Variants in SKIC3 observed in about 807,000 individuals in gnomAD.
SKIC3 encodes superkiller complex protein 3.
At chr5:95,469,805 G>T in the SKIC3 span, 2 of 1,613,992 alleles carry the variant, frequency 1.2e-6, no homozygotes, top group African/African-American at 2.7e-5. Flanking sequence ...CGTTTGAATT[G>T]TAACAAAGCT....
chr5:95,484,723 C>T, the SKIC3 span: 2 of 1,614,034 alleles, frequency 1.2e-6, no homozygotes, highest in Non-Finnish European at 1.7e-6. Context: ...CCATAAAATA[C>T]CTTTGTGCAG....
At chr5:95,498,587 T>G in the SKIC3 span, 2 of 1,613,554 alleles carry the variant, frequency 1.2e-6, no homozygotes, top group Non-Finnish European at 1.7e-6. Context: ...TCCTTTAAGA[T>G]AGAGCTGTAA....
At chr5:95,541,250 G>A in the SKIC3 span, 7 of 1,550,680 alleles carry the variant, frequency 4.5e-6, no homozygotes, top group African/African-American at 1.4e-5. Flanking sequence ...ACAGGTGTGA[G>A]TCACCGCGCC....
the SKIC3 span, chr5:95,520,798 T>A: frequency 5.0e-6 from 8 of 1,612,124 alleles, no homozygotes; most frequent in East Asian, 2.2e-5. Flanking sequence ...TTTGCCATCA[T>A]AAGATGGCAT....
chr5:95,522,692 G>A, the SKIC3 span, among the ~76,000 whole-genome samples: 1 of 151,944 alleles, frequency 6.6e-6, no homozygotes, highest in Non-Finnish European at 1.5e-5. Context: ...GAAACAATAG[G>A]CATGCTTTAA....
the SKIC3 span, among the ~76,000 whole-genome samples, chr5:95,550,042 T>C: frequency 1.3e-5 from 2 of 152,034 alleles, no homozygotes; most frequent in African/African-American, 2.4e-5. Context: ...CTTTCCGCCT[T>C]ATACCTCTCC....
At chr5:95,548,207 TG>T in the SKIC3 span, among the ~76,000 whole-genome samples, 2 of 151,982 alleles carry the variant, frequency 1.3e-5, no homozygotes, top group African/African-American at 4.8e-5. Flanking sequence ...AAAACAAAGC[TG>T]GGGTAAATAT....
the SKIC3 span, chr5:95,522,150 C>T: frequency 1.1e-5 from 17 of 1,613,880 alleles, no homozygotes; most frequent in Non-Finnish European, 1.4e-5. Context: ...TGTATTGCTG[C>T]AACCTTAAAC....
At chr5:95,524,798 G>A in the SKIC3 span, among the ~76,000 whole-genome samples, 1 of 152,044 alleles carries the variant, frequency 6.6e-6, no homozygotes, top group East Asian at 1.9e-4. Flanking sequence ...AAAGCACAGT[G>A]GCCTTTTAGC....
the SKIC3 span, among the ~76,000 whole-genome samples, chr5:95,496,600 A>C: frequency 6.6e-6 from 1 of 152,204 alleles, no homozygotes; most frequent in Non-Finnish European, 1.5e-5. Context: ...AGCACCCAGC[A>C]GAAGCAAGTA....
At chr5:95,541,730 G>A in the SKIC3 span, 2 of 947,046 alleles carry the variant, frequency 2.1e-6, no homozygotes, top group South Asian at 1.5e-5. Flanking sequence ...CCCAGTAAAT[G>A]CTGGAATACT....
chr5:95,478,245 TAAA>T, the SKIC3 span: 2 of 1,608,704 alleles, frequency 1.2e-6, no homozygotes, highest in South Asian at 1.1e-5. Context: ...CAAAGAAAGA[TAAA>T]AAAATCAATT....
chr5:95,551,151 A>C, the SKIC3 span, among the ~76,000 whole-genome samples: 1 of 152,286 alleles, frequency 6.6e-6, no homozygotes, highest in East Asian at 1.9e-4. Context: ...ATGAAAACAG[A>C]GAAATTTTTT....
At chr5:95,495,315 TAA>T in the SKIC3 span, 1 of 355,196 alleles carries the variant, frequency 2.8e-6, no homozygotes, top group Non-Finnish European at 5.2e-6. Flanking sequence ...ATATAAAATA[TAA>T]AGACTGAGAG....
the SKIC3 span, chr5:95,503,693 T>A: frequency 1.4e-6 from 2 of 1,426,694 alleles, no homozygotes; most frequent in Non-Finnish European, 2.0e-6. Flanking sequence ...TGACTCCTAG[T>A]CAGATTTTAA....
At chr5:95,530,195 A>G in the SKIC3 span, 1 of 1,613,602 alleles carries the variant, frequency 6.2e-7, no homozygotes, top group Non-Finnish European at 8.5e-7. Context: ...CCACTAATCT[A>G]CAACAATACT....
chr5:95,532,380 G>A, the SKIC3 span, among the ~76,000 whole-genome samples: 1 of 152,118 alleles, frequency 6.6e-6, no homozygotes, highest in African/African-American at 2.4e-5. Flanking sequence ...GGGAGACTAT[G>A]TTCATGTTCG....
chr5:95,468,474 A>G, the SKIC3 span, among the ~76,000 whole-genome samples: 192 of 152,286 alleles, frequency 1.3e-3, 1 homozygote, highest in African/African-American at 4.2e-3. Flanking sequence ...GGCTTTTAGC[A>G]TATGTTTTCA....
chr5:95,514,622 G>A, the SKIC3 span, among the ~76,000 whole-genome samples: 1 of 152,136 alleles, frequency 6.6e-6, no homozygotes, highest in Non-Finnish European at 1.5e-5. Flanking sequence ...ATGACACTTA[G>A]GAGCTCTGAG....
Sources: gnomAD v4.1 joint callset for allele counts (sites outside exome capture counted in the v4.1 genomes callset) on GRCh38, gnomAD v4.1.1 for gene constraint, MANE v1.5 for transcripts, NCBI Gene and HGNC (gene_info 2026-07-23, HGNC 2026-07-21) for gene names.